Variants in LIPC observed in about 807,000 individuals in gnomAD.
LIPC encodes hepatic triacylglycerol lipase.
In LIPC, 44 loss-of-function variants were observed where a neutral mutation model predicts 50.7. The observed-to-expected ratio is 0.87, with a 90% confidence interval of 0.68 to 1.11. The LOEUF is 1.11. LIPC is among the 50% of genes most tolerant of loss of function. The pLI, the probability that LIPC is intolerant of heterozygous loss-of-function variation, is 0.00. For missense variants in LIPC, 697 were observed against 648.2 expected, an observed-to-expected ratio of 1.08 and a Z score of -0.82; for synonymous variants, 271 against 256.4, an observed-to-expected ratio of 1.06 and a Z score of -0.54.
chr15:58,463,655 C>T (rs1295949726), intron 1 of LIPC, among the ~76,000 whole-genome samples: 12 of 152,156 alleles, frequency 7.9e-5, no homozygotes, highest in Admixed American at 7.9e-4. Context: ...TGAGATTGCG[C>T]AGGTATTCAC....
At chr15:58,454,647 G>T in intron 1 of LIPC, 1 of 152,374 alleles carries the variant, frequency 6.6e-6, no homozygotes. Flanking sequence ...TCAACAGGTG[G>T]GGTTGGGGCC....
intron 1 of LIPC, among the ~76,000 whole-genome samples, chr15:58,475,960 A>C (rs182085497): frequency 6.6e-6 from 1 of 152,374 alleles, no homozygotes; most frequent in Non-Finnish European, 1.5e-5. Context: ...TGCCTGACAC[A>C]GTATAAGCAC....
chr15:58,534,166 AT>A (rs1329242031), intron 1 of LIPC, among the ~76,000 whole-genome samples: 2 of 152,214 alleles, frequency 1.3e-5, no homozygotes, highest in Non-Finnish European at 2.9e-5. Flanking sequence ...AGGAAAATAC[AT>A]TTAGTTTGGC....
chr15:58,517,813 T>C (rs1892529815), intron 1 of LIPC, among the ~76,000 whole-genome samples: 3 of 152,228 alleles, frequency 2.0e-5, no homozygotes, highest in African/African-American at 7.2e-5. Context: ...TTCTCACTTG[T>C]GATTCTGACA....
At position 58,545,727 on chromosome 15, in the gene LIPC, C is replaced by T. The variant is rs141216569; in HGVS notation, c.575-15C>T. The T allele has an allele frequency of 5.7e-4, 925 of 1,612,262 alleles. 8 individuals are homozygous for T. In the African/African-American group the frequency reaches 0.011, roughly 19 times the overall value. On this transcript the variant is annotated splice_polypyrimidine_tract_variant and intron_variant, in intron 4 of 8. Coordinates refer to ENST00000299022, the MANE Select transcript of LIPC (RefSeq NM_000236.3). ...CCTTGCTCCTGCGTAACCCTTACCC[C>T]TGCTTTCCCATTAGGGCTGGATGCC...
chr15:58,435,604 A>G (rs1297233794), intron 1 of LIPC: 5 of 152,226 alleles, frequency 3.3e-5, no homozygotes, highest in Admixed American at 2.6e-4. Context: ...TCTGCCTGTC[A>G]TTATCACAAT....
chr15:58,559,972 C>T (rs1007475941), intron 6 of LIPC, among the ~76,000 whole-genome samples: 5 of 152,216 alleles, frequency 3.3e-5, no homozygotes, highest in Non-Finnish European at 7.3e-5. Context: ...AAGCAAGTCA[C>T]TTTCATCTAT....
At chr15:58,544,391 C>CTT (rs572161614) in intron 4 of LIPC, among the ~76,000 whole-genome samples, 1,256 of 109,988 alleles carry the variant, frequency 0.011, 50 homozygotes, top group South Asian at 0.051. Context: ...TTCTTTTTCT[C>CTT]TTTCTTTTTT....
intron 1 of LIPC, among the ~76,000 whole-genome samples, chr15:58,483,152 G>T (rs1891249606): frequency 6.6e-6 from 1 of 152,106 alleles, no homozygotes; most frequent in Admixed American, 6.5e-5. Flanking sequence ...AAAGGGAGTG[G>T]CTATTTAAAA....
intron 6 of LIPC, among the ~76,000 whole-genome samples, chr15:58,557,628 G>A (rs554327650): frequency 1.4e-4 from 22 of 151,918 alleles, no homozygotes; most frequent in East Asian, 9.7e-4. Context: ...CTCGTGATCC[G>A]CCCCCCTCAG....
At chr15:58,499,917 C>T (rs1457492360) in intron 1 of LIPC, among the ~76,000 whole-genome samples, 4 of 152,062 alleles carry the variant, frequency 2.6e-5, no homozygotes, top group East Asian at 1.9e-4. Flanking sequence ...GTCAGGATCA[C>T]GAATCAGGGA....
intron 1 of LIPC, among the ~76,000 whole-genome samples, chr15:58,480,273 C>T (rs1235064593): frequency 6.6e-6 from 1 of 152,132 alleles, no homozygotes; most frequent in African/African-American, 2.4e-5. Context: ...CCATAAGCTT[C>T]ATTCATTCAT....
At chr15:58,450,958 C>T (rs545835839) in intron 1 of LIPC, among the ~76,000 whole-genome samples, 3 of 152,194 alleles carry the variant, frequency 2.0e-5, no homozygotes, top group South Asian at 2.1e-4. Context: ...TTCTTTGCAG[C>T]GGGACTTCAC....
At chr15:58,481,046 T>C (rs1891169819) in intron 1 of LIPC, among the ~76,000 whole-genome samples, 1 of 152,154 alleles carries the variant, frequency 6.6e-6, no homozygotes, top group Non-Finnish European at 1.5e-5. Context: ...CCCATGGAGA[T>C]GGTCAGATGC....
chr15:58,565,306 C>T (rs1894326750), intron 8 of LIPC: 20 of 1,535,380 alleles, frequency 1.3e-5, no homozygotes, highest in Non-Finnish European at 1.5e-5. Context: ...CCCAGATGCT[C>T]TTAGCTGGAG....
chr15:58,568,137 C>T (rs754620967), intron 8 of LIPC, among the ~76,000 whole-genome samples: 186 of 152,212 alleles, frequency 1.2e-3, no homozygotes, highest in Non-Finnish European at 1.7e-3. Flanking sequence ...ACAGCCAAAG[C>T]AGTCTAGTTG....
chr15:58,496,098 C>T (rs151111270), intron 1 of LIPC, among the ~76,000 whole-genome samples: 1 of 152,136 alleles, frequency 6.6e-6, no homozygotes, highest in Non-Finnish European at 1.5e-5. Context: ...CGAGTTGGAT[C>T]TAGGGCAGTG....
intron 1 of LIPC, among the ~76,000 whole-genome samples, chr15:58,486,492 T>C (rs1178571277): frequency 6.6e-6 from 1 of 152,232 alleles, no homozygotes; most frequent in South Asian, 2.1e-4. Context: ...AAAGTAGTTA[T>C]GACCCTCTGA....
chr15:58,512,976 G>C, intron 1 of LIPC, among the ~76,000 whole-genome samples: 1 of 147,852 alleles, frequency 6.8e-6, no homozygotes. Context: ...AAAAAAAAAA[G>C]TAAAAGTACA....
Sources: gnomAD v4.1 joint callset for allele counts (sites outside exome capture counted in the v4.1 genomes callset) on GRCh38, gnomAD v4.1.1 for gene constraint, MANE v1.5 for transcripts, NCBI Gene and HGNC (gene_info 2026-07-23, HGNC 2026-07-21) for gene names.